Variants in FAM193A observed in about 807,000 individuals in gnomAD.
FAM193A encodes family with sequence similarity 193 member A.
Under a neutral mutation model 126.5 loss-of-function variants are expected in FAM193A, and 22 were observed. The observed-to-expected ratio is 0.17, with a 90% CI of 0.12 to 0.25. FAM193A has a LOEUF of 0.25. Ranked by LOEUF, FAM193A falls within the 10% of genes least tolerant of loss-of-function variation. The pLI is 1.00. For missense variants in FAM193A, 1,675 were observed against 1,672.8 expected, an observed-to-expected ratio of 1.00 and a Z score of -0.02; for synonymous variants, 761 against 646.8, an observed-to-expected ratio of 1.18 and a Z score of -2.68.
intron 1 of FAM193A, among the ~76,000 whole-genome samples, chr4:2,573,587 C>T (rs1044512707): frequency 6.6e-6 from 1 of 151,910 alleles, no homozygotes; most frequent in Non-Finnish European, 1.5e-5. Context: ...TCCTTCTCTG[C>T]TTTCACCACT....
chr4:2,634,350 C>T (rs1242344763), intron 5 of FAM193A, among the ~76,000 whole-genome samples: 1 of 152,120 alleles, frequency 6.6e-6, no homozygotes, highest in Non-Finnish European at 1.5e-5. Flanking sequence ...CAGATCACCT[C>T]TGGAAACCTT....
chr4:2,646,681 C>T lies in FAM193A; in HGVS notation c.1164-4C>T, dbSNP rs762281961. ...CCTTTGTTACAAGGCCTTCTCTCTC[C>T]TAGGCTAGGAACCACCACACACGAC... On this transcript the variant is annotated splice_polypyrimidine_tract_variant and splice_region_variant and intron_variant, in intron 6 of 20. Transcript: ENST00000637812. 3 of 1,600,302 alleles carry T rather than the reference C, an allele frequency of 1.9e-6. No homozygotes were observed. The highest frequency in any genetic ancestry group is 2.6e-6 in the Non-Finnish European group (3 of 1,174,296).
At chr4:2,660,885 C>T (rs1369095702) in intron 10 of FAM193A, among the ~76,000 whole-genome samples, 1 of 152,238 alleles carries the variant, frequency 6.6e-6, no homozygotes, top group African/African-American at 2.4e-5. Context: ...TTTAAACTCA[C>T]TGACTCTCTT....
intron 3 of FAM193A, 54 bp downstream of exon 3, chr4:2,625,449 C>T (rs1273138924): frequency 1.5e-6 from 1 of 660,042 alleles, no homozygotes; most frequent in African/African-American, 1.8e-5. Context: ...ACATGCAGAC[C>T]TGCATATTGG....
intron 1 of FAM193A, among the ~76,000 whole-genome samples, chr4:2,550,499 C>T (rs147809329): frequency 0.03 from 4,566 of 151,906 alleles, 102 homozygotes; most frequent in Non-Finnish European, 0.044. Flanking sequence ...TGTAATGGCA[C>T]GATCTTGGCT....
chr4:2,557,423 G>A lies in FAM193A; in HGVS notation c.255+20253G>A, dbSNP rs564984834. Among the ~76,000 whole-genome samples, 5 of 152,216 alleles carry A rather than the reference G, an allele frequency of 3.3e-5. No homozygotes were observed. The South Asian group carries it at 8.3e-4, about 25-fold the overall frequency. ...TGTCAAAACTAAGAAATTAGCATTG[G>A]TACAACATTATTAACTACAGATTAT... On this transcript the variant is annotated intron_variant, in intron 1 of 20. Coordinates refer to ENST00000637812, the MANE Select transcript of FAM193A (RefSeq NM_001366318.2).
At chr4:2,578,755 T>G (rs756822361) in intron 1 of FAM193A, among the ~76,000 whole-genome samples, 27 of 152,174 alleles carry the variant, frequency 1.8e-4, no homozygotes, top group Non-Finnish European at 3.2e-4. Context: ...TCTACTGTAT[T>G]CCTACAATAA....
intron 2 of FAM193A, among the ~76,000 whole-genome samples, chr4:2,620,576 T>TG (rs145185266): frequency 0.029 from 4,373 of 152,006 alleles, 223 homozygotes; most frequent in African/African-American, 0.099. Context: ...TGGCAGGGTG[T>TG]GTGGCTCATG....
chr4:2,724,878 A>AT (rs1720551801), intron 20 of FAM193A, among the ~76,000 whole-genome samples: 1 of 152,064 alleles, frequency 6.6e-6, no homozygotes, highest in African/African-American at 2.4e-5. Context: ...TTTATTATGA[A>AT]TTTTTTAACT....
chr4:2,651,667 A>G (rs140748891), intron 7 of FAM193A, among the ~76,000 whole-genome samples: 1 of 152,130 alleles, frequency 6.6e-6, no homozygotes, highest in Non-Finnish European at 1.5e-5. Flanking sequence ...GGTGGGGACA[A>G]AGGTGAACCA....
At position 2,693,927 on chromosome 4, in the gene FAM193A, T is replaced by C. The variant is rs1374578620; in HGVS notation, c.3092+53T>C. 5.2e-6 allele frequency: 8 copies of C among 1,548,996 alleles called. No homozygotes were observed. The South Asian group carries it at 7.2e-5, about 14-fold the overall frequency. ...GGAGCACTTTGGAAAATGGGTGTTATGCCTCACTAACACAGCTACAGAAAC... is the reference window on the plus strand; with the variant it reads ...GGAGCACTTTGGAAAATGGGTGTTACGCCTCACTAACACAGCTACAGAAAC... On this transcript the variant is annotated intron_variant, in intron 16 of 20. Transcript: ENST00000637812.
chr4:2,589,898 A>G (rs778559018), intron 1 of FAM193A, among the ~76,000 whole-genome samples: 2 of 152,160 alleles, frequency 1.3e-5, no homozygotes, highest in Non-Finnish European at 2.9e-5. Flanking sequence ...GCACTTTGGG[A>G]GGCCGAGGTA....
At chr4:2,715,499 A>G (rs1386364462) in intron 19 of FAM193A, 2 of 987,884 alleles carry the variant, frequency 2.0e-6, no homozygotes, top group East Asian at 1.1e-4. Flanking sequence ...TATGGGTGAG[A>G]TGAATGCCTG....
intron 19 of FAM193A, among the ~76,000 whole-genome samples, chr4:2,712,864 A>C (rs929621399): frequency 1.3e-4 from 20 of 152,048 alleles, no homozygotes; most frequent in African/African-American, 4.6e-4. Flanking sequence ...GCACTTTGGG[A>C]GGCTGAGGCA....
intron 20 of FAM193A, among the ~76,000 whole-genome samples, chr4:2,730,811 T>G (rs181782620): frequency 1.2e-3 from 178 of 152,232 alleles, no homozygotes; most frequent in African/African-American, 3.9e-3. Flanking sequence ...GAGAATCGCT[T>G]GAACCTGGGA....
intron 20 of FAM193A, among the ~76,000 whole-genome samples, chr4:2,719,714 C>T (rs1308365270): frequency 6.8e-6 from 1 of 147,296 alleles, no homozygotes; most frequent in Non-Finnish European, 1.5e-5. Context: ...CATTGTACTC[C>T]AGCCTGGGCA....
At chr4:2,673,003 A>G (rs1326359756) in intron 13 of FAM193A, among the ~76,000 whole-genome samples, 1 of 152,164 alleles carries the variant, frequency 6.6e-6, no homozygotes, top group Non-Finnish European at 1.5e-5. Flanking sequence ...ATTTTTATGC[A>G]TTTCTTCCCA....
intron 1 of FAM193A, among the ~76,000 whole-genome samples, chr4:2,583,854 G>A (rs1740085559): frequency 6.6e-6 from 1 of 152,184 alleles, no homozygotes; most frequent in Admixed American, 6.5e-5. Flanking sequence ...TCATGGATAT[G>A]AAGTTAGTCT....
intron 7 of FAM193A, among the ~76,000 whole-genome samples, chr4:2,649,701 C>G (rs983813978): frequency 6.6e-6 from 1 of 152,158 alleles, no homozygotes; most frequent in African/African-American, 2.4e-5. Context: ...GGCATAGGGA[C>G]AGTAAATAGT....
Sources: gnomAD v4.1 joint callset for allele counts (sites outside exome capture counted in the v4.1 genomes callset) on GRCh38, gnomAD v4.1.1 for gene constraint, MANE v1.5 for transcripts, NCBI Gene and HGNC (gene_info 2026-07-23, HGNC 2026-07-21) for gene names.